Variants in ZNF670 observed in about 807,000 individuals in gnomAD.
ZNF670 encodes zinc finger protein 670.
In ZNF670, 7 loss-of-function variants were observed where a neutral mutation model predicts 10.9. The ratio of observed to expected loss-of-function variants is 0.64; its 90% confidence interval spans 0.36 to 1.20. The LOEUF is 1.20. Among genes scored for constraint, ZNF670 ranks in the 50% most tolerant of loss-of-function variants. The pLI is 0.02. For synonymous variants in ZNF670, 136 were observed against 152.7 expected (o/e 0.89, Z 0.81); for missense variants, 446 against 458.6 (o/e 0.97, Z 0.25).
At chr1:247,040,302 G>A (rs1670273692) in intron 1 of ZNF670, among the ~76,000 whole-genome samples, 2 of 152,184 alleles carry the variant, frequency 1.3e-5, no homozygotes, top group Admixed American at 1.3e-4. Context: ...AAATAAGACT[G>A]ATAATTTATC....
chr1:247,067,613 CGGG>C (rs1671015989), intron 1 of ZNF670, among the ~76,000 whole-genome samples: 3 of 149,868 alleles, frequency 2.0e-5, no homozygotes, highest in East Asian at 4.0e-4. Context: ...GAGGCCGAGG[CGGG>C]CGGATCACGA....
chr1:247,038,567 C>T, intron 3 of ZNF670, 140 bp from the exon 4 acceptor site: 2 of 859,818 alleles, frequency 2.3e-6, no homozygotes, highest in Admixed American at 5.8e-5. Context: ...TATGGGTCCC[C>T]CATAGCTATT....
At chr1:247,039,020 G>C in intron 2 of ZNF670, 150 bp from the exon 3 acceptor site, 4 of 464,538 alleles carry the variant, frequency 8.6e-6, no homozygotes, top group East Asian at 7.1e-5. Flanking sequence ...TCATAACCAA[G>C]AAACACTTGT....
chr1:247,044,609 T>C (rs72768378), intron 1 of ZNF670, among the ~76,000 whole-genome samples: 3,303 of 152,270 alleles, frequency 0.022, 48 homozygotes, highest in Non-Finnish European at 0.033. Context: ...ATATACACCA[T>C]GGAATACTAT....
At chr1:247,039,094 C>T (rs1376036507) in intron 2 of ZNF670, among the ~76,000 whole-genome samples, 6 of 97,490 alleles carry the variant, frequency 6.2e-5, no homozygotes, top group African/African-American at 9.2e-5. Context: ...ATTGTTTCTT[C>T]GTTGACCAGG....
chr1:247,041,055 A>G (rs1393272646), intron 1 of ZNF670, among the ~76,000 whole-genome samples: 1 of 152,250 alleles, frequency 6.6e-6, no homozygotes, highest in Non-Finnish European at 1.5e-5. Flanking sequence ...GGAAGAAATC[A>G]AAAGCACTTT....
At chr1:247,070,876 G>A (rs2103071790) in intron 1 of ZNF670, among the ~76,000 whole-genome samples, 1 of 152,312 alleles carries the variant, frequency 6.6e-6, no homozygotes, top group Middle Eastern at 3.4e-3. Flanking sequence ...CAAGAAGTGT[G>A]TGAAAAATTA....
At chr1:247,073,992 C>T (rs1164610915) in intron 1 of ZNF670, among the ~76,000 whole-genome samples, 1 of 152,150 alleles carries the variant, frequency 6.6e-6, no homozygotes, top group Non-Finnish European at 1.5e-5. Flanking sequence ...GGGAACATAG[C>T]AGGGGAAGAT....
intron 1 of ZNF670, among the ~76,000 whole-genome samples, chr1:247,057,734 A>G (rs1670753853): frequency 6.6e-6 from 1 of 152,220 alleles, no homozygotes; most frequent in Non-Finnish European, 1.5e-5. Context: ...AAGCCAGGAA[A>G]AGAGACAAAC....
intron 1 of ZNF670, among the ~76,000 whole-genome samples, chr1:247,061,183 A>ATT (rs778969843): frequency 0.27 from 38,364 of 144,038 alleles, 5,350 homozygotes; most frequent in Middle Eastern, 0.39. Context: ...TTAAAAGTAA[A>ATT]TTTTTTTTTT....
intron 1 of ZNF670, among the ~76,000 whole-genome samples, chr1:247,049,319 G>T (rs1280018050): frequency 6.6e-6 from 1 of 151,810 alleles, no homozygotes; most frequent in Non-Finnish European, 1.5e-5. Flanking sequence ...GCCCACCTCG[G>T]CTTCCCAAAG....
intron 1 of ZNF670, among the ~76,000 whole-genome samples, chr1:247,053,874 A>G (rs370728708): frequency 1.1e-4 from 16 of 152,358 alleles, no homozygotes; most frequent in East Asian, 5.8e-4. Context: ...GAACATTCAT[A>G]AGAACAAAAA....
intron 1 of ZNF670, among the ~76,000 whole-genome samples, chr1:247,071,493 G>A (rs955843997): frequency 2.0e-5 from 3 of 152,208 alleles, no homozygotes; most frequent in African/African-American, 7.2e-5. Flanking sequence ...AATAGGGTGA[G>A]GGTCTAAAAA....
At chr1:247,074,258 C>T (rs1220511061) in intron 1 of ZNF670, among the ~76,000 whole-genome samples, 1 of 151,948 alleles carries the variant, frequency 6.6e-6, no homozygotes, top group African/African-American at 2.4e-5. Context: ...TTAAGTTTCC[C>T]TCCTTCCCTC....
chr1:247,064,181 C>T (rs1161423212), intron 1 of ZNF670, among the ~76,000 whole-genome samples: 2 of 152,206 alleles, frequency 1.3e-5, no homozygotes, highest in Non-Finnish European at 2.9e-5. Flanking sequence ...TCTAGAATGT[C>T]GCAGTACCCG....
chr1:247,058,709 T>TAAAA (rs59634852), intron 1 of ZNF670, among the ~76,000 whole-genome samples: 13 of 124,274 alleles, frequency 1.0e-4, no homozygotes, highest in African/African-American at 3.3e-4. Context: ...TACAGACAGT[T>TAAAA]AAAAAAAAAA....
chr1:247,067,669 C>T lies in ZNF670; in HGVS notation c.3+10925G>A, dbSNP rs564250056. 8.7e-5 allele frequency among the ~76,000 whole-genome samples: 13 copies of T among 149,342 alleles called. No homozygotes were observed. In the East Asian group the frequency reaches 1.0e-3, roughly 11 times the overall value. On this transcript the variant is annotated intron_variant, in intron 1 of 3. Transcript: ENST00000366503. ...CATCCCGGCTAAAACGGTGAAACCC[C>T]GTCTCTACTAAAAATACAAAAAATT...
At chr1:247,066,467 G>T (rs1670982333) in intron 1 of ZNF670, among the ~76,000 whole-genome samples, 1 of 152,158 alleles carries the variant, frequency 6.6e-6, no homozygotes. Context: ...GAGCCCAGAG[G>T]TTTGGTGCAG....
At chr1:247,076,960 C>T (rs1671269157) in intron 1 of ZNF670, among the ~76,000 whole-genome samples, 1 of 152,264 alleles carries the variant, frequency 6.6e-6, no homozygotes, top group Admixed American at 6.5e-5. Flanking sequence ...CACGCCCAGC[C>T]AACTCTCTTC....
Sources: gnomAD v4.1 joint callset for allele counts (sites outside exome capture counted in the v4.1 genomes callset) on GRCh38, gnomAD v4.1.1 for gene constraint, MANE v1.5 for transcripts, NCBI Gene and HGNC (gene_info 2026-07-23, HGNC 2026-07-21) for gene names.